Variants in AFG2A observed in about 807,000 individuals in gnomAD.
AFG2A encodes AAA ATPase AFG2A, also known as ATPase family gene 2 protein homolog A.
the AFG2A span, among the ~76,000 whole-genome samples, chr4:123,266,967 T>C: frequency 1.2e-3 from 179 of 152,100 alleles, no homozygotes; most frequent in Non-Finnish European, 2.3e-3. Flanking sequence ...TGGACCCCAG[T>C]GTTTAGGTAA....
the AFG2A span, among the ~76,000 whole-genome samples, chr4:123,152,316 A>T: frequency 6.6e-6 from 1 of 152,186 alleles, no homozygotes. Flanking sequence ...AGAAAAGATA[A>T]TTAGAAGACA....
At chr4:123,072,913 G>A in the AFG2A span, among the ~76,000 whole-genome samples, 1 of 152,092 alleles carries the variant, frequency 6.6e-6, no homozygotes, top group South Asian at 2.1e-4. Flanking sequence ...GGAGTGATAT[G>A]TAATGTTTGT....
At chr4:122,937,454 G>A in the AFG2A span, among the ~76,000 whole-genome samples, 1 of 152,060 alleles carries the variant, frequency 6.6e-6, no homozygotes, top group Non-Finnish European at 1.5e-5. Flanking sequence ...CTCCCAAAAT[G>A]CTGGCTGTCT....
chr4:123,308,799 G>A, the AFG2A span, among the ~76,000 whole-genome samples: 1 of 152,184 alleles, frequency 6.6e-6, no homozygotes, highest in Non-Finnish European at 1.5e-5. Context: ...GGTAGTTGTA[G>A]TTAAGTAACT....
the AFG2A span, among the ~76,000 whole-genome samples, chr4:123,053,102 G>A: frequency 6.6e-6 from 1 of 152,162 alleles, no homozygotes; most frequent in Non-Finnish European, 1.5e-5. Context: ...GTGGGGCTTT[G>A]TCGCCCAGTC....
the AFG2A span, among the ~76,000 whole-genome samples, chr4:122,978,860 A>G: frequency 6.6e-6 from 1 of 152,220 alleles, no homozygotes; most frequent in Non-Finnish European, 1.5e-5. Context: ...CTGAAATCAG[A>G]GCAGGCAAAA....
the AFG2A span, among the ~76,000 whole-genome samples, chr4:123,070,298 A>T: frequency 6.6e-6 from 1 of 152,078 alleles, no homozygotes; most frequent in Admixed American, 6.6e-5. Context: ...TAATGCCCCA[A>T]ACTGCTATCT....
the AFG2A span, among the ~76,000 whole-genome samples, chr4:123,028,845 G>A: frequency 1.3e-5 from 2 of 152,144 alleles, no homozygotes; most frequent in Non-Finnish European, 2.9e-5. Flanking sequence ...AAGTATATGT[G>A]CATTGTTTTT....
chr4:123,074,976 C>T, the AFG2A span, among the ~76,000 whole-genome samples: 2 of 152,106 alleles, frequency 1.3e-5, no homozygotes, highest in Non-Finnish European at 2.9e-5. Context: ...CGGAGTCTTG[C>T]TTTGTCGCCC....
the AFG2A span, among the ~76,000 whole-genome samples, chr4:123,273,683 A>G: frequency 6.6e-6 from 1 of 152,188 alleles, no homozygotes; most frequent in Non-Finnish European, 1.5e-5. Flanking sequence ...ACCTGACTTC[A>G]TGTGATGGGC....
the AFG2A span, among the ~76,000 whole-genome samples, chr4:122,968,144 T>A: frequency 8.0e-4 from 122 of 152,298 alleles, 4 homozygotes; most frequent in East Asian, 0.02. Context: ...CTAATATTGA[T>A]ACAATGATAT....
At chr4:122,933,980 T>C in the AFG2A span, 1 of 1,176,922 alleles carries the variant, frequency 8.5e-7, no homozygotes, top group Non-Finnish European at 1.2e-6. Context: ...ATTATTTTAT[T>C]AATACTCTGT....
the AFG2A span, chr4:123,056,489 C>G: frequency 6.7e-7 from 1 of 1,501,772 alleles, no homozygotes; most frequent in South Asian, 1.3e-5. Flanking sequence ...AATCACACTT[C>G]TGTCCTGTGC....
the AFG2A span, among the ~76,000 whole-genome samples, chr4:123,290,019 C>T: frequency 6.6e-6 from 1 of 152,086 alleles, no homozygotes; most frequent in Non-Finnish European, 1.5e-5. Context: ...TCCCTGCCCT[C>T]CAATAGGCCT....
At chr4:123,228,029 G>C in the AFG2A span, among the ~76,000 whole-genome samples, 1 of 152,052 alleles carries the variant, frequency 6.6e-6, no homozygotes, top group African/African-American at 2.4e-5. Flanking sequence ...GACTAGGATT[G>C]CAACCCCTGC....
chr4:123,028,048 T>G, the AFG2A span: 1 of 689,546 alleles, frequency 1.5e-6, no homozygotes, highest in Non-Finnish European at 2.4e-6. Context: ...TTCTTGGAAT[T>G]TTTTAAAGGA....
chr4:123,053,326 C>T, the AFG2A span, among the ~76,000 whole-genome samples: 15 of 152,200 alleles, frequency 9.9e-5, no homozygotes, highest in East Asian at 1.9e-4. Context: ...GCAGATACTC[C>T]GGCTGCGTGG....
the AFG2A span, among the ~76,000 whole-genome samples, chr4:123,193,784 A>G: frequency 6.6e-6 from 1 of 152,250 alleles, no homozygotes; most frequent in African/African-American, 2.4e-5. Context: ...TTTAACATCT[A>G]TAAAATATGC....
At chr4:123,155,419 G>T in the AFG2A span, among the ~76,000 whole-genome samples, 3 of 151,550 alleles carry the variant, frequency 2.0e-5, no homozygotes, top group Non-Finnish European at 4.4e-5. Flanking sequence ...TCTTCTCATT[G>T]TCTTTTTTTC....
Sources: allele counts gnomAD v4.1 joint callset (sites outside exome capture counted in the v4.1 genomes callset), GRCh38; gene constraint gnomAD v4.1.1; transcripts MANE v1.5; gene names NCBI Gene and HGNC (gene_info 2026-07-23, HGNC 2026-07-21).